PARD3: variants seen among roughly 807,000 people sequenced by gnomAD.
The protein encoded by PARD3 is partitioning defective 3 homolog.
Under a neutral mutation model 155.4 loss-of-function variants are expected in PARD3, and 75 were observed. That is an observed-to-expected ratio of 0.48 (90% CI 0.40 to 0.58). The LOEUF (loss-of-function observed/expected upper bound fraction) is 0.58. Ranked by LOEUF, PARD3 falls within the 20% of genes least tolerant of loss-of-function variation. The pLI is 0.00. For synonymous variants in PARD3, 576 were observed against 610.5 expected (o/e 0.94, Z 0.83); for missense variants, 1,642 against 1,721.7 (o/e 0.95, Z 0.82).
At chr10:34,423,903 T>C (rs1015003149) in intron 5 of PARD3, among the ~76,000 whole-genome samples, 2 of 152,178 alleles carry the variant, frequency 1.3e-5, no homozygotes, top group South Asian at 2.1e-4. Context: ...GGCAAACTTA[T>C]AATCACATGG....
chr10:34,791,972 C>T (rs1421031710), intron 1 of PARD3, among the ~76,000 whole-genome samples: 2 of 152,174 alleles, frequency 1.3e-5, no homozygotes, highest in Non-Finnish European at 2.9e-5. Context: ...TCCCTCTCTG[C>T]TTCCTGCTTT....
chr10:34,682,008 G>C (rs1380779961), intron 2 of PARD3, among the ~76,000 whole-genome samples: 3 of 151,232 alleles, frequency 2.0e-5, no homozygotes, highest in African/African-American at 2.4e-5. Context: ...GCCTAGAATG[G>C]AACAGATGCT....
At chr10:34,408,244 CA>C (rs1273318220) in intron 5 of PARD3, among the ~76,000 whole-genome samples, 3 of 151,500 alleles carry the variant, frequency 2.0e-5, no homozygotes, top group African/African-American at 7.3e-5. Flanking sequence ...TCTCATGGTA[CA>C]ATTTACAATA....
intron 5 of PARD3, among the ~76,000 whole-genome samples, chr10:34,434,036 C>T (rs1358400631): frequency 1.3e-5 from 2 of 152,108 alleles, no homozygotes; most frequent in African/African-American, 2.4e-5. Flanking sequence ...ATTATGTGTG[C>T]CTCACATTGG....
chr10:34,661,411 T>C (rs1255210605), intron 2 of PARD3, among the ~76,000 whole-genome samples: 1 of 152,216 alleles, frequency 6.6e-6, no homozygotes, highest in Non-Finnish European at 1.5e-5. Context: ...AACTTTTGTA[T>C]TGATCATGCC....
intron 20 of PARD3, among the ~76,000 whole-genome samples, chr10:34,296,950 A>G (rs1443503072): frequency 6.6e-6 from 1 of 152,114 alleles, no homozygotes; most frequent in Non-Finnish European, 1.5e-5. Flanking sequence ...CAACCAACCA[A>G]CTGACCAACA....
chr10:34,173,037 T>C (rs933706061), intron 22 of PARD3, among the ~76,000 whole-genome samples: 1 of 152,222 alleles, frequency 6.6e-6, no homozygotes, highest in African/African-American at 2.4e-5. Flanking sequence ...TATTGCCTGT[T>C]TTGAATTCAA....
intron 20 of PARD3, among the ~76,000 whole-genome samples, chr10:34,284,766 G>C (rs1956307190): frequency 6.6e-6 from 1 of 152,146 alleles, no homozygotes; most frequent in Admixed American, 6.5e-5. Context: ...AAGTACAACA[G>C]ATCATTTACA....
intron 1 of PARD3, among the ~76,000 whole-genome samples, chr10:34,770,740 G>T (rs1224142327): frequency 6.6e-6 from 1 of 152,170 alleles, no homozygotes; most frequent in African/African-American, 2.4e-5. Flanking sequence ...AGGAAAGGCA[G>T]ATAAATTGTA....
intron 1 of PARD3, among the ~76,000 whole-genome samples, chr10:34,812,128 G>A: frequency 6.6e-6 from 1 of 152,200 alleles, no homozygotes; most frequent in Admixed American, 6.5e-5. Context: ...AAATTGATTT[G>A]TGTAATCTGA....
intron 21 of PARD3, among the ~76,000 whole-genome samples, chr10:34,274,558 T>C (rs1272313632): frequency 6.6e-6 from 1 of 152,188 alleles, no homozygotes; most frequent in Non-Finnish European, 1.5e-5. Flanking sequence ...TCACCATTCA[T>C]CAGTCACTTA....
chr10:34,111,074 A>G lies in PARD3; in HGVS notation c.*95T>C, dbSNP rs1009422967. The G allele has an allele frequency of 7.5e-7, 1 of 1,332,110 alleles. No homozygotes were observed. The highest frequency in any genetic ancestry group is 1.5e-5 in the African/African-American group (1 of 68,410). 82.5% of individuals were successfully genotyped at this position (1,332,110 alleles called of 1,614,324 possible). On this transcript the variant is annotated 3_prime_UTR_variant, in exon 25 of 25. Transcript: ENST00000374788. ...GATACCAACAACAGAAATACTCCATAGTACCATCGAGGTTTTAAAAAAACT... is the reference window on the plus strand; with the variant it reads ...GATACCAACAACAGAAATACTCCATGGTACCATCGAGGTTTTAAAAAAACT...
In PARD3 at chr10:34,696,363, T is replaced by C. The variant is rs760842446; in HGVS notation, c.177A>G (p.Leu59=). ...CATCACAAAGAATGTCATCAAGGTC[T>C]AGTATTCCTCCATCTCCATGTTCCA... The part of the protein sequence containing the change: ...HRLEHGDGGI[L]DLDDILCDVA... The change falls in exon 2 of 25, where the codon CTA becomes CTG. Residue 59 remains leucine (L), a synonymous_variant. Transcript: ENST00000374788. 8.1e-6 allele frequency: 13 copies of C among 1,612,746 alleles called. No homozygotes were observed. The East Asian group carries it at 2.9e-4, about 36-fold the overall frequency.
At chr10:34,255,474 T>C (rs1208760780) in intron 22 of PARD3, among the ~76,000 whole-genome samples, 5 of 152,232 alleles carry the variant, frequency 3.3e-5, no homozygotes, top group Non-Finnish European at 7.3e-5. Flanking sequence ...ACAGGTTCAG[T>C]GTATTATATA....
At chr10:34,534,010 C>T (rs956619338) in intron 2 of PARD3, among the ~76,000 whole-genome samples, 4 of 152,118 alleles carry the variant, frequency 2.6e-5, no homozygotes, top group Non-Finnish European at 5.9e-5. Context: ...CCATGAAAGG[C>T]TGCACTTCAA....
intron 22 of PARD3, among the ~76,000 whole-genome samples, chr10:34,180,050 T>G (rs902770120): frequency 3.9e-5 from 6 of 152,028 alleles, no homozygotes; most frequent in Non-Finnish European, 7.4e-5. Flanking sequence ...CCTTCAAGCA[T>G]TTTTGTTTTT....
chr10:34,466,847 C>T (rs1489345641), intron 4 of PARD3, among the ~76,000 whole-genome samples: 2 of 152,178 alleles, frequency 1.3e-5, no homozygotes, highest in Non-Finnish European at 2.9e-5. Flanking sequence ...TATATATGAG[C>T]TCTCAGACTA....
intron 1 of PARD3, among the ~76,000 whole-genome samples, chr10:34,769,109 C>A (rs1402824317): frequency 2.0e-5 from 3 of 152,228 alleles, no homozygotes; most frequent in African/African-American, 7.2e-5. Context: ...AACCTTCACC[C>A]TCCACATAAA....
At chr10:34,408,936 A>G (rs4084000) in intron 5 of PARD3, among the ~76,000 whole-genome samples, 16,352 of 152,096 alleles carry the variant, frequency 0.11, 1,763 homozygotes, top group African/African-American at 0.28. Flanking sequence ...TTTTAGACAA[A>G]GTCCAGTTCC....
Sources: allele counts gnomAD v4.1 joint callset (sites outside exome capture counted in the v4.1 genomes callset), GRCh38; gene constraint gnomAD v4.1.1; transcripts MANE v1.5; gene names NCBI Gene and HGNC (gene_info 2026-07-23, HGNC 2026-07-21).